API5: variants seen among roughly 807,000 people sequenced by gnomAD.
The protein encoded by API5 is FIF.
Under a neutral mutation model 71.9 loss-of-function variants are expected in API5, and 6 were observed. That is an observed-to-expected ratio of 0.08 (90% CI 0.05 to 0.16). The LOEUF is 0.16. API5 is among the 10% of genes least tolerant of loss of function. The probability of loss-of-function intolerance (pLI) is 1.00; values close to 1 mark genes in which losing one functional copy is unlikely to be tolerated. For synonymous variants in API5, 189 were observed against 221.3 expected (o/e 0.85, Z 1.30); for missense variants, 332 against 612.8 (o/e 0.54, Z 4.84).
At chr11:43,328,978 A>C in intron 9 of API5, 85 bp downstream of exon 9, 1 of 1,385,628 alleles carries the variant, frequency 7.2e-7, no homozygotes, top group African/African-American at 1.4e-5. Flanking sequence ...GTTCTATGAG[A>C]GCTCCCCATC....
rs775981581 is a variant in API5, at chr11:43,318,460, G to T, written c.70-180G>T. On this transcript the variant is annotated intron_variant, in intron 1 of 13. Transcript: ENST00000531273. ...CCCAACTCAAAAATGAAACAAAGAT[G>T]GAGGGAGAACGGAATTGGGAAGGTA... 3.3e-6 allele frequency: 5 copies of T among 1,535,570 alleles called. No individual in the cohort carries two copies. The South Asian group carries it at 4.8e-5, about 15-fold the overall frequency.
chr11:43,337,947 A>G (rs1855489365), intron 13 of API5, among the ~76,000 whole-genome samples: 1 of 152,220 alleles, frequency 6.6e-6, no homozygotes, highest in South Asian at 2.1e-4. Flanking sequence ...AACACTTTAG[A>G]TTGTATACAG....
At chr11:43,312,667 A>T (rs1166500761) in intron 1 of API5, among the ~76,000 whole-genome samples, 1 of 152,232 alleles carries the variant, frequency 6.6e-6, no homozygotes, top group African/African-American at 2.4e-5. Context: ...TGAGAAACAG[A>T]AGAGGGACTC....
At chr11:43,337,949 T>A (rs183995874) in intron 13 of API5, among the ~76,000 whole-genome samples, 14 of 152,328 alleles carry the variant, frequency 9.2e-5, no homozygotes, top group Non-Finnish European at 2.1e-4. Flanking sequence ...CACTTTAGAT[T>A]GTATACAGTG....
chr11:43,330,344 A>G (rs1306360263), intron 10 of API5, 164 bp from the exon 11 acceptor site: 11 of 664,778 alleles, frequency 1.7e-5, no homozygotes, highest in South Asian at 3.5e-5. Flanking sequence ...GTTTAGAGTC[A>G]AGCAATAGGA....
chr11:43,334,899 A>G (rs1475429612), intron 11 of API5, among the ~76,000 whole-genome samples: 1 of 152,204 alleles, frequency 6.6e-6, no homozygotes, highest in Non-Finnish European at 1.5e-5. Context: ...AAAAATTTGC[A>G]AAAGCACATG....
Position 43,328,722 on chromosome 11 carries a change from C to T in API5, c.956C>T (p.Pro319Leu). ...KLFDKLLEYM[P>L]LPPEEAENGE... is the part of the protein sequence containing the mutation. ...ATTTTTCTCTCTTAGGAATACATGC[C>T]CCTCCCTCCAGAAGAGGCAGAAAAT... is the stretch of plus-strand genomic sequence containing the variant. Residue 319 changes from proline (P) to leucine (L), a missense_variant, in exon 9 of 14, where the codon CCC (proline) becomes CTC (leucine). Physicochemically the swap from Pro to Leu is moderately conservative, Grantham distance 98 (BLOSUM62 -3). Coordinates refer to ENST00000531273, the MANE Select transcript of API5 (RefSeq NM_001142930.2). 1 of 1,613,088 alleles carries T rather than the reference C, an allele frequency of 6.2e-7. No individual in the cohort carries two copies. Among genetic ancestry groups the T allele is most frequent in the Non-Finnish European group, 8.5e-7 (1 of 1,179,464 alleles).
chr11:43,315,265 G>T (rs372510020), intron 1 of API5, among the ~76,000 whole-genome samples: 6 of 152,138 alleles, frequency 3.9e-5, no homozygotes, highest in Non-Finnish European at 4.4e-5. Flanking sequence ...CCCCAAAGCA[G>T]ATCAAATCCT....
chr11:43,320,360 T>C, intron 2 of API5, among the ~76,000 whole-genome samples: 1 of 152,050 alleles, frequency 6.6e-6, no homozygotes, highest in East Asian at 1.9e-4. Context: ...AGCAAATTCT[T>C]TTTAAAACTG....
chr11:43,321,870 A>G (rs189967997), intron 4 of API5, 115 bp from the exon 5 acceptor site: 4 of 1,040,500 alleles, frequency 3.8e-6, no homozygotes, highest in Admixed American at 5.3e-5. Context: ...AATGAGGATG[A>G]TATTTGGGAA....
chr11:43,334,885 A>G (rs1326182170), intron 11 of API5, among the ~76,000 whole-genome samples: 4 of 152,244 alleles, frequency 2.6e-5, no homozygotes, highest in Admixed American at 6.5e-5. Context: ...ATTTTGAACC[A>G]CTTAAAAATT....
At chr11:43,325,138 A>T (rs569476768) in intron 6 of API5, among the ~76,000 whole-genome samples, 50 of 152,334 alleles carry the variant, frequency 3.3e-4, no homozygotes, top group African/African-American at 1.2e-3. Flanking sequence ...TGGATTACAA[A>T]ACATTTTTCA....
intron 1 of API5, among the ~76,000 whole-genome samples, chr11:43,316,356 T>C (rs1459062952): frequency 6.7e-6 from 1 of 149,066 alleles, no homozygotes; most frequent in Non-Finnish European, 1.5e-5. Context: ...AATATTTTTT[T>C]CTTGGCAAAA....
Position 43,342,909 on chromosome 11 carries a change from C to A in API5, c.*399C>A, listed in dbSNP as rs151199895. The A allele has an allele frequency of 6.2e-3, 2,933 of 475,068 alleles. 10 individuals carry two copies. The highest frequency in any genetic ancestry group is 9.6e-3 in the Non-Finnish European group (2,576 of 268,646). The allele number at this position is 475,068 out of a possible 1,614,324, so 29.4% of individuals were successfully genotyped here. ...TTCCTCTTCCCTCTTAGTTTTTTAC[C>A]CAATATATGGAGAAGAGTAATGGTC... On this transcript the variant is annotated 3_prime_UTR_variant, in exon 14 of 14. Coordinates refer to ENST00000531273, the MANE Select transcript of API5 (RefSeq NM_001142930.2).
chr11:43,330,403 G>A (rs2134368191), intron 10 of API5, 105 bp from the exon 11 acceptor site: 2 of 855,126 alleles, frequency 2.3e-6, no homozygotes, highest in Non-Finnish European at 4.0e-6. Context: ...AAAGACTGTA[G>A]AGGTGATTCT....
At position 43,335,987 on chromosome 11, in the gene API5, T is replaced by G. The variant is rs1000291477; in HGVS notation, c.1485T>G (p.Phe495Leu). 1.2e-6 allele frequency: 2 copies of G among 1,613,982 alleles called. No individual in the cohort carries two copies. The highest frequency in any genetic ancestry group is 3.3e-5 in the Admixed American group (2 of 59,974). Residue 495 changes from phenylalanine (F) to leucine (L), a missense_variant, in exon 13 of 14, where the codon TTT becomes TTG. Phe to Leu is a conservative substitution (Grantham distance 22). Around this residue, in one of 3 missense-constraint regions of API5, gnomAD observed 168 missense variants for 343.9 expected, o/e 0.49. Transcript: ENST00000531273. ...SGKYSSNLGNFNYEQRGAFRG... is the reference protein window; with the variant it reads ...SGKYSSNLGNLNYEQRGAFRG... ...AATATAGCAGCAATTTGGGCAACTTTAATTATGGTGAGCGTTTCCGTTTGG... is the reference window on the plus strand; with the variant it reads ...AATATAGCAGCAATTTGGGCAACTTGAATTATGGTGAGCGTTTCCGTTTGG...
chr11:43,328,222 GGTT>G (rs1359297974), intron 8 of API5, among the ~76,000 whole-genome samples: 1 of 152,114 alleles, frequency 6.6e-6, no homozygotes, highest in East Asian at 1.9e-4. Flanking sequence ...TAACTTACTG[GGTT>G]GTTATAGCAC....
At chr11:43,323,772 G>C in intron 6 of API5, 136 bp downstream of exon 6, 1 of 857,100 alleles carries the variant, frequency 1.2e-6, no homozygotes, top group Non-Finnish European at 1.8e-6. Flanking sequence ...AGTGTATTCA[G>C]ATTTTTGAAT....
intron 6 of API5, 102 bp from the exon 7 acceptor site, chr11:43,326,405 A>T (rs777444767): frequency 5.6e-5 from 41 of 733,410 alleles, no homozygotes; most frequent in Non-Finnish European, 9.3e-5. Context: ...TAGTCAGAAT[A>T]CTTGATGCTG....
Sources: allele counts gnomAD v4.1 joint callset (sites outside exome capture counted in the v4.1 genomes callset), GRCh38; gene constraint gnomAD v4.1.1; regional missense constraint gnomAD v4.1.1; transcripts MANE v1.5; gene names NCBI Gene and HGNC (gene_info 2026-07-23, HGNC 2026-07-21).